The following MEGF11 variants were observed in gnomAD, a reference collection of about 807,000 sequenced individuals.
MEGF11 encodes multiple epidermal growth factor-like domains protein 11.
MEGF11 carries 126 observed loss-of-function variants against 146.6 expected under a neutral mutation model. The ratio of observed to expected loss-of-function variants is 0.86; its 90% CI spans 0.74 to 1.00. The LOEUF is 1.00. Among genes scored for constraint, MEGF11 ranks in the 50% least tolerant of loss-of-function variants. The pLI is 0.00. For synonymous variants in MEGF11, 532 were observed against 583.4 expected (o/e 0.91, Z 1.27); for missense variants, 1,509 against 1,521.2 (o/e 0.99, Z 0.13).
intron 5 of MEGF11, among the ~76,000 whole-genome samples, chr15:66,073,927 G>T (rs1334613006): frequency 6.6e-6 from 1 of 152,184 alleles, no homozygotes; most frequent in Non-Finnish European, 1.5e-5. Flanking sequence ...TGGACAAAGA[G>T]GTGTCAAAGG....
At chr15:66,168,717 G>A (rs1356612794) in intron 1 of MEGF11, among the ~76,000 whole-genome samples, 1 of 152,242 alleles carries the variant, frequency 6.6e-6, no homozygotes, top group Non-Finnish European at 1.5e-5. Context: ...GCTTATGCCT[G>A]CAATCCCAGC....
intron 5 of MEGF11, among the ~76,000 whole-genome samples, chr15:66,023,140 C>CAAAAAAAAAAAAAAAAAAAA (rs375962533): frequency 3.2e-5 from 4 of 123,696 alleles, no homozygotes; most frequent in African/African-American, 9.6e-5. Context: ...GACTCCATCT[C>CAAAAAAAAAAAAAAAAAAAA]AAAAAAAAAA....
At chr15:66,016,570 CAA>C (rs1364530064) in intron 5 of MEGF11, among the ~76,000 whole-genome samples, 1 of 147,220 alleles carries the variant, frequency 6.8e-6, no homozygotes, top group African/African-American at 2.5e-5. Flanking sequence ...GCAACACCGA[CAA>C]AGTGTCTTCA....
chr15:65,959,195 T>G (rs2080769246), intron 9 of MEGF11, among the ~76,000 whole-genome samples: 1 of 152,388 alleles, frequency 6.6e-6, no homozygotes, highest in Non-Finnish European at 1.5e-5. Context: ...GAGAGCCGTT[T>G]GTCTTGTTCC....
At chr15:65,983,959 C>T (rs943760552) in intron 5 of MEGF11, among the ~76,000 whole-genome samples, 14 of 152,310 alleles carry the variant, frequency 9.2e-5, no homozygotes, top group South Asian at 4.1e-4. Flanking sequence ...CACCAGTCCC[C>T]GACATGTCCC....
chr15:66,219,969 T>C (rs542485581), intron 1 of MEGF11, among the ~76,000 whole-genome samples: 1 of 152,188 alleles, frequency 6.6e-6, no homozygotes, highest in Non-Finnish European at 1.5e-5. Context: ...AATGTGACTT[T>C]ATTTGGAAAT....
intron 5 of MEGF11, among the ~76,000 whole-genome samples, chr15:66,000,300 A>G (rs2082326461): frequency 1.3e-5 from 2 of 152,194 alleles, no homozygotes; most frequent in African/African-American, 2.4e-5. Flanking sequence ...AGGCTGAGAC[A>G]GGAGGATGGC....
intron 1 of MEGF11, among the ~76,000 whole-genome samples, chr15:66,154,370 C>A (rs1476147601): frequency 1.3e-5 from 2 of 152,204 alleles, no homozygotes; most frequent in Non-Finnish European, 2.9e-5. Context: ...GGATCTGCAG[C>A]AAAGAGTACT....
chr15:66,076,802 C>T (rs1196776129), intron 5 of MEGF11, among the ~76,000 whole-genome samples: 1 of 152,154 alleles, frequency 6.6e-6, no homozygotes, highest in Non-Finnish European at 1.5e-5. Flanking sequence ...CAGCAATCTC[C>T]CCCCATCCAA....
At chr15:65,964,027 G>GGCCTGAGGGA (rs771241268) in intron 9 of MEGF11, among the ~76,000 whole-genome samples, 95 of 152,336 alleles carry the variant, frequency 6.2e-4, no homozygotes, top group Non-Finnish European at 1.1e-3. Context: ...GCTGTCCGTA[G>GGCCTGAGGGA]GCCTGAGGGA....
chr15:66,204,647 T>C (rs2091254875), intron 1 of MEGF11, among the ~76,000 whole-genome samples: 2 of 152,180 alleles, frequency 1.3e-5, no homozygotes, highest in African/African-American at 4.8e-5. Context: ...TACCAAGTCA[T>C]GAGAACTCAA....
At chr15:66,011,442 G>T (rs1023709259) in intron 5 of MEGF11, among the ~76,000 whole-genome samples, 1 of 152,128 alleles carries the variant, frequency 6.6e-6, no homozygotes, top group Non-Finnish European at 1.5e-5. Context: ...GATGCGGAAA[G>T]CTGTGTGTGG....
Position 66,212,682 on chromosome 15 carries a change from C to T in MEGF11, c.-9+40923G>A, listed in dbSNP as rs146926374. 3.0e-3 allele frequency among the ~76,000 whole-genome samples: 441 copies of T among 146,976 alleles called. 4 individuals carry two copies. The highest frequency in any genetic ancestry group is 0.01 in the African/African-American group (411 of 39,580). On this transcript the variant is annotated intron_variant, in intron 1 of 25. Transcript: ENST00000395614. ...GCCAAGTCTTTGCCTGGCCTGCATCCGCACACGCGGCATCCCCATGTCAGG... is the reference window on the plus strand; with the variant it reads ...GCCAAGTCTTTGCCTGGCCTGCATCTGCACACGCGGCATCCCCATGTCAGG...
chr15:66,176,742 A>G (rs2090397751), intron 1 of MEGF11, among the ~76,000 whole-genome samples: 1 of 152,214 alleles, frequency 6.6e-6, no homozygotes, highest in Non-Finnish European at 1.5e-5. Context: ...CGTTTACTCC[A>G]GTCCTCTGCT....
chr15:66,100,073 C>T (rs997306030), intron 4 of MEGF11, among the ~76,000 whole-genome samples: 11 of 148,928 alleles, frequency 7.4e-5, no homozygotes, highest in East Asian at 4.1e-4. Flanking sequence ...CCAGTGGTTG[C>T]GCTTTGGGGG....
chr15:66,192,835 C>G (rs2090916862), intron 1 of MEGF11, among the ~76,000 whole-genome samples: 1 of 152,242 alleles, frequency 6.6e-6, no homozygotes, highest in African/African-American at 2.4e-5. Context: ...GCCCTTTGCA[C>G]TATATCATTT....
At chr15:65,989,551 G>A (rs1458412247) in intron 5 of MEGF11, among the ~76,000 whole-genome samples, 2 of 152,344 alleles carry the variant, frequency 1.3e-5, no homozygotes, top group Admixed American at 6.5e-5. Flanking sequence ...AGCAGCCGCC[G>A]GAAACCATTC....
At chr15:66,035,186 A>C (rs1260270207) in intron 5 of MEGF11, among the ~76,000 whole-genome samples, 3 of 152,238 alleles carry the variant, frequency 2.0e-5, no homozygotes, top group African/African-American at 7.2e-5. Flanking sequence ...AAAGTACCGG[A>C]CACAGAGTAA....
At chr15:65,905,567 A>C (rs954283418) in intron 24 of MEGF11, 2 of 152,276 alleles carry the variant, frequency 1.3e-5, no homozygotes, top group Admixed American at 1.3e-4. Context: ...TGCAGTTCCC[A>C]TGTGTTAGGG....
Sources: allele counts gnomAD v4.1 joint callset (sites outside exome capture counted in the v4.1 genomes callset), GRCh38; gene constraint gnomAD v4.1.1; transcripts MANE v1.5; gene names NCBI Gene and HGNC (gene_info 2026-07-23, HGNC 2026-07-21).